Variants in PITPNM2 observed in about 807,000 individuals in gnomAD.
PITPNM2 encodes membrane-associated phosphatidylinositol transfer protein 2.
Under a neutral mutation model 132.2 loss-of-function variants are expected in PITPNM2, and 35 were observed. The observed-to-expected ratio is 0.26, with a 90% CI of 0.20 to 0.35. PITPNM2 has a LOEUF of 0.35. Among genes scored for constraint, PITPNM2 ranks in the 10% least tolerant of loss-of-function variants. PITPNM2 has a pLI of 1.00. For missense variants in PITPNM2, 1,332 were observed against 1,912.0 expected, an observed-to-expected ratio of 0.70 and a Z score of 5.66; for synonymous variants, 738 against 799.2, an observed-to-expected ratio of 0.92 and a Z score of 1.29.
At position 122,992,620 on chromosome 12, in the gene PITPNM2, G is replaced by A. The variant is rs79326786; in HGVS notation, c.2283C>T (p.Pro761=). Reference sequence around the variant, plus strand: ...CCAGGCGTGAAGCTGACGGGTCCGCGGGGTGGAAGAGGTTGTAGACTTGCT... The same window carrying A: ...CCAGGCGTGAAGCTGACGGGTCCGCAGGGTGGAAGAGGTTGTAGACTTGCT... The part of the protein sequence containing the change: ...ACQQVYNLFH[P]ADPSASRLEP... Residue 761 remains proline (P), a synonymous_variant, in exon 16 of 26, where the codon CCC becomes CCT. Transcript: ENST00000320201. The surrounding 1 kb of genome is among the most constrained non-coding windows in gnomAD (Gnocchi z 6.5). The A allele has an allele frequency of 3.7e-4, 597 of 1,605,842 alleles. No individual in the cohort carries two copies. The African/African-American group carries it at 5.9e-3, about 16-fold the overall frequency.
intron 1 of PITPNM2, among the ~76,000 whole-genome samples, chr12:123,121,775 C>T (rs1283616760): frequency 2.6e-5 from 4 of 151,962 alleles, no homozygotes; most frequent in Admixed American, 2.6e-4. Flanking sequence ...TAACTCCTGG[C>T]CTCAAGCAAT....
chr12:122,989,733 G>A, intron 18 of PITPNM2, 54 bp downstream of exon 18: 3 of 1,331,186 alleles, frequency 2.3e-6, no homozygotes, highest in Non-Finnish European at 2.9e-6. Context: ...TGGCAGTGAG[G>A]GGTGCTCAGC....
intron 3 of PITPNM2, among the ~76,000 whole-genome samples, chr12:123,016,090 C>T (rs1350669069): frequency 6.6e-6 from 1 of 152,102 alleles, no homozygotes; most frequent in East Asian, 1.9e-4. Flanking sequence ...ATTTGGGAGG[C>T]CGAGGCAGGC....
In PITPNM2 at chr12:122,989,888, G is replaced by GGCAGGGCGA; in HGVS notation, c.2621_2629dup (p.Leu874_Leu876dup). ...GCCAGGGGTGGTGGGGCTGGGGGCG[G>GGCAGGGCGA]GCAGGGCGAGCAGGGACAGACGCCT... On this transcript the variant is annotated inframe_insertion, in exon 18 of 26. Coordinates refer to ENST00000320201, the MANE Select transcript of PITPNM2 (RefSeq NM_020845.3). 1 of 1,328,712 alleles carries GGCAGGGCGA rather than the reference G, an allele frequency of 7.5e-7. No individual in the cohort carries two copies. The highest frequency in any genetic ancestry group is 9.7e-7 in the Non-Finnish European group (1 of 1,035,262). 82.3% of individuals were successfully genotyped at this position (1,328,712 alleles called of 1,614,324 possible).
rs1237853376 is a variant in PITPNM2 at position 123,077,780 on chromosome 12, G to A, written c.-96+32605C>T. On this transcript the variant is annotated intron_variant, in intron 2 of 25. Coordinates refer to ENST00000320201, the MANE Select transcript of PITPNM2 (RefSeq NM_020845.3). This position sits in a 1 kb window ranked among gnomAD's most constrained non-coding sequence, Gnocchi z 4.8. ...CTGAGGCTGTGACATGTTTCAGAAG[G>A]AGCAGAAAATTACCTTTTAGGAAGC... 2.0e-5 allele frequency among the ~76,000 whole-genome samples: 3 copies of A among 152,206 alleles called. No individual in the cohort carries two copies. The highest frequency in any genetic ancestry group is 4.8e-5 in the African/African-American group (2 of 41,454).
intron 3 of PITPNM2, among the ~76,000 whole-genome samples, chr12:123,016,567 G>A (rs186834198): frequency 3.4e-5 from 5 of 145,902 alleles, no homozygotes; most frequent in Non-Finnish European, 7.5e-5. Flanking sequence ...CGCTCGCCTC[G>A]GCCTAAGACT....
chr12:122,988,971 C>G, intron 18 of PITPNM2, 99 bp from the exon 19 acceptor site: 5 of 1,293,826 alleles, frequency 3.9e-6, no homozygotes, highest in Non-Finnish European at 5.1e-6. Context: ...CCAGCACAGT[C>G]CCCCCACCAG....
chr12:123,029,365 C>A (rs1317944953), intron 3 of PITPNM2, among the ~76,000 whole-genome samples: 1 of 152,202 alleles, frequency 6.6e-6, no homozygotes, highest in Non-Finnish European at 1.5e-5. Context: ...GTGGGTGGAT[C>A]ACCTGAGGTC....
intron 10 of PITPNM2, 120 bp from the exon 11 acceptor site, chr12:122,997,692 C>T (rs1279119206): frequency 7.1e-7 from 1 of 1,400,352 alleles, no homozygotes; most frequent in East Asian, 2.3e-5. Flanking sequence ...CCTCTGAGAA[C>T]CCCAGTTTTG....
At chr12:123,018,319 G>C (rs1412324610) in intron 3 of PITPNM2, among the ~76,000 whole-genome samples, 1 of 124,608 alleles carries the variant, frequency 8.0e-6, no homozygotes, top group Non-Finnish European at 1.6e-5. Context: ...TTTTGAGACA[G>C]AGTCTCATTC....
At chr12:123,093,388 T>C (rs1034328967) in intron 2 of PITPNM2, among the ~76,000 whole-genome samples, 4 of 152,250 alleles carry the variant, frequency 2.6e-5, no homozygotes, top group East Asian at 1.9e-4. Context: ...CTAGAAACCA[T>C]TGAATTGTAC....
chr12:123,151,363 C>T (rs1264696218), upstream of PITPNM2, among the ~76,000 whole-genome samples: 2 of 152,070 alleles, frequency 1.3e-5, no homozygotes, highest in Non-Finnish European at 2.9e-5. Flanking sequence ...GCCCCGGGCT[C>T]CTCGCCCACC....
At chr12:123,043,355 G>A (rs1428096536) in intron 2 of PITPNM2, among the ~76,000 whole-genome samples, 1 of 152,144 alleles carries the variant, frequency 6.6e-6, no homozygotes, top group Non-Finnish European at 1.5e-5. Context: ...AAGGACCAAG[G>A]AGACTTTGAG....
intron 2 of PITPNM2, chr12:123,076,068 T>C: frequency 6.6e-6 from 1 of 152,388 alleles, no homozygotes; most frequent in Non-Finnish European, 1.5e-5. Flanking sequence ...GATTTTCCGC[T>C]CACTAGCAAA....
intron 2 of PITPNM2, among the ~76,000 whole-genome samples, chr12:123,068,771 G>A (rs770001208): frequency 4.6e-5 from 7 of 152,208 alleles, no homozygotes; most frequent in Non-Finnish European, 1.0e-4. Flanking sequence ...ATCTCAGAGA[G>A]CTCCAGCACT....
At chr12:122,995,325 T>A in intron 14 of PITPNM2, 64 bp downstream of exon 14, 1 of 1,521,728 alleles carries the variant, frequency 6.6e-7, no homozygotes, top group Non-Finnish European at 8.8e-7. Flanking sequence ...ACAGGGGATG[T>A]TCCTCCCTCT....
In PITPNM2 at chr12:123,008,200, T is replaced by A. The variant is rs554175534; in HGVS notation, c.643+1650A>T. On this transcript the variant is annotated intron_variant, in intron 6 of 25. Transcript: ENST00000320201. This position sits in a 1 kb window ranked among gnomAD's most constrained non-coding sequence, Gnocchi z 4.1. ...TGCTTTCTGAGGGGAGAACTGACTT[T>A]CAGGGAGCTGGGGAGTCTCTGCAGC... Among the ~76,000 whole-genome samples the A allele has an allele frequency of 6.6e-6, 1 of 152,312 alleles. No homozygotes were observed. Among genetic ancestry groups the A allele is most frequent in the Admixed American group, 6.5e-5 (1 of 15,302 alleles).
chr12:123,128,264 C>CAA lies in PITPNM2; in HGVS notation c.-199-17778_-199-17777dup, dbSNP rs1170397011. ...TAAACATGGCGAAACCCCATCTCTA[C>CAA]AAAAAAAAAAAAAAAAAAAAAAAAA... is the stretch of plus-strand genomic sequence containing the variant. On this transcript the variant is annotated intron_variant, in intron 1 of 25. Coordinates refer to ENST00000320201, the MANE Select transcript of PITPNM2 (RefSeq NM_020845.3). Among the ~76,000 whole-genome samples, 12 of 22,752 alleles carry CAA rather than the reference C, an allele frequency of 5.3e-4. 3 individuals are homozygous for CAA. The highest frequency in any genetic ancestry group is 1.1e-3 in the Admixed American group (2 of 1,852). The allele number at this position is 22,752 out of a possible 152,430, so 14.9% of individuals were successfully genotyped here.
intron 2 of PITPNM2, among the ~76,000 whole-genome samples, chr12:123,063,301 C>T (rs2041310503): frequency 6.6e-6 from 1 of 152,242 alleles, no homozygotes; most frequent in South Asian, 2.1e-4. Flanking sequence ...ACTGCCCAGC[C>T]GGTGGCCTTA....
Sources: allele counts gnomAD v4.1 joint callset (sites outside exome capture counted in the v4.1 genomes callset), GRCh38; gene constraint gnomAD v4.1.1; non-coding constraint Gnocchi (gnomAD v3.1); transcripts MANE v1.5; gene names NCBI Gene and HGNC (gene_info 2026-07-23, HGNC 2026-07-21).